MYO5A: variants seen among roughly 807,000 people sequenced by gnomAD.
The protein encoded by MYO5A is unconventional myosin-Va.
In MYO5A, 98 loss-of-function variants were observed where a neutral mutation model predicts 249.7. That is an observed-to-expected ratio of 0.39 (90% confidence interval 0.33 to 0.46). The LOEUF is 0.46. MYO5A is among the 20% of genes least tolerant of loss of function. MYO5A has a pLI of 0.98. For missense variants in MYO5A, 1,696 were observed against 2,308.8 expected, an observed-to-expected ratio of 0.73 and a Z score of 5.44; for synonymous variants, 778 against 810.6, an observed-to-expected ratio of 0.96 and a Z score of 0.68.
intron 1 of MYO5A, among the ~76,000 whole-genome samples, chr15:52,474,934 A>T (rs1365101056): frequency 2.6e-5 from 4 of 151,938 alleles, no homozygotes; most frequent in Admixed American, 1.3e-4. Flanking sequence ...CTCTTTTTCT[A>T]TTGATTGGAA....
chr15:52,470,888 T>C (rs1373762842), intron 1 of MYO5A, among the ~76,000 whole-genome samples: 1 of 151,764 alleles, frequency 6.6e-6, no homozygotes, highest in Admixed American at 6.6e-5. Flanking sequence ...CCGGGCATGG[T>C]GACAGGCGCC....
At position 52,379,666 on chromosome 15, in the gene MYO5A, T is replaced by C; in HGVS notation, c.2167A>G (p.Arg723Gly). ...AACACATTCTTGCATGTTTGCTTTC[T>C]GTCACTCAGCACATCTTTCTGCTTC... ...LMKQKDVLSD[R>G]KQTCKNVLEK... Residue 723 changes from arginine to glycine, a missense_variant, in exon 18 of 42, where the codon AGA becomes GGA. Physicochemically the swap from Arg to Gly is moderately radical, Grantham distance 125. This residue lies in a region of MYO5A where 277 missense variants were observed against 422.4 expected (regional missense o/e 0.66). Transcript: ENST00000399233. 6.2e-7 allele frequency: 1 copy of C among 1,614,242 alleles called. No homozygotes were observed. Among genetic ancestry groups the C allele is most frequent in the East Asian group, 2.2e-5 (1 of 44,896 alleles).
At chr15:52,387,615 T>C in intron 14 of MYO5A, 2 of 512,602 alleles carry the variant, frequency 3.9e-6, no homozygotes, top group Non-Finnish European at 7.0e-6. Context: ...AGGTGCCTCA[T>C]CCATAAAATA....
chr15:52,335,147 C>G (rs1342690378), intron 34 of MYO5A, among the ~76,000 whole-genome samples: 1 of 152,206 alleles, frequency 6.6e-6, no homozygotes, highest in Non-Finnish European at 1.5e-5. Flanking sequence ...AAATGATTAA[C>G]CGTTCACACA....
chr15:52,474,975 T>C (rs897129209), intron 1 of MYO5A, among the ~76,000 whole-genome samples: 5 of 152,210 alleles, frequency 3.3e-5, no homozygotes, highest in African/African-American at 1.2e-4. Context: ...CCAGCTCCTC[T>C]TTGTACCTCT....
chr15:52,343,204 T>C lies in MYO5A; in HGVS notation c.3960-7A>G, dbSNP rs765481087. The C allele has an allele frequency of 1.9e-6, 3 of 1,611,256 alleles. No homozygotes were observed. Among genetic ancestry groups the C allele is most frequent in the Admixed American group, 3.3e-5 (2 of 60,000 alleles). ...GTAATCCAGAGCAGATGATCTTCCA[T>C]GCAAAAGGAACAACAATGCAAAACA... On this transcript the variant is annotated splice_region_variant and splice_polypyrimidine_tract_variant and intron_variant, in intron 30 of 41. Transcript: ENST00000399233.
chr15:52,525,615 T>C (rs901620473), intron 1 of MYO5A, among the ~76,000 whole-genome samples: 1 of 152,248 alleles, frequency 6.6e-6, no homozygotes, highest in Non-Finnish European at 1.5e-5. Flanking sequence ...ATACCATAAT[T>C]ATGGCATATC....
Position 52,372,853 on chromosome 15 carries a change from A to C in MYO5A, c.2578-490T>G, listed in dbSNP as rs193076953. On this transcript the variant is annotated intron_variant, in intron 20 of 41. Coordinates refer to ENST00000399233, the MANE Select transcript of MYO5A (RefSeq NM_001382347.1). ...CCACCCTGACTGCTGATACCACCTC[A>C]CTATGCATTATTAGGCCCGTGCATG... Among the ~76,000 whole-genome samples the C allele has an allele frequency of 1.7e-4, 26 of 152,232 alleles. No individual in the cohort carries two copies. In the East Asian group the frequency reaches 5.0e-3, roughly 29 times the overall value.
At position 52,313,587 on chromosome 15, in the gene MYO5A, G is replaced by C; in HGVS notation, c.*109C>G. On this transcript the variant is annotated 3_prime_UTR_variant, in exon 42 of 42. Coordinates refer to ENST00000399233, the MANE Select transcript of MYO5A (RefSeq NM_001382347.1). ...CCAGTTAATGACTTCTCATTTGGGA[G>C]ATAATCAGTACTTTCTCTTTAAAAA... The C allele has an allele frequency of 7.4e-7, 1 of 1,342,828 alleles. No homozygotes were observed. Among genetic ancestry groups the C allele is most frequent in the East Asian group, 2.3e-5 (1 of 42,768 alleles). 83.2% of individuals were successfully genotyped at this position (1,342,828 alleles called of 1,614,324 possible).
At chr15:52,471,310 A>T (rs553529148) in intron 1 of MYO5A, among the ~76,000 whole-genome samples, 35 of 152,218 alleles carry the variant, frequency 2.3e-4, no homozygotes, top group Middle Eastern at 3.4e-3. Flanking sequence ...TGTGCATTAA[A>T]AATCAGTTCG....
chr15:52,492,575 A>G (rs918337162), intron 1 of MYO5A, among the ~76,000 whole-genome samples: 1 of 152,240 alleles, frequency 6.6e-6, no homozygotes, highest in Non-Finnish European at 1.5e-5. Context: ...TAGGTACAGT[A>G]CACTACTACT....
At chr15:52,464,563 C>A (rs148522820) in intron 1 of MYO5A, among the ~76,000 whole-genome samples, 1 of 152,286 alleles carries the variant, frequency 6.6e-6, no homozygotes, top group East Asian at 1.9e-4. Context: ...CCTGTGAGGG[C>A]AGGGACAACG....
At chr15:52,428,803 T>C (rs1245758463) in intron 2 of MYO5A, among the ~76,000 whole-genome samples, 2 of 152,234 alleles carry the variant, frequency 1.3e-5, no homozygotes, top group African/African-American at 2.4e-5. Context: ...TTGAAAGCCA[T>C]AGCCTAGACC....
chr15:52,331,659 C>T (rs1482379964), intron 34 of MYO5A: 2 of 985,172 alleles, frequency 2.0e-6, no homozygotes, highest in East Asian at 1.1e-4. Context: ...TCTGAGAAGC[C>T]AGTCCCACAG....
chr15:52,317,102 T>G lies in MYO5A; in HGVS notation c.5355A>C (p.Thr1785=). 2 of 1,614,192 alleles carry G rather than the reference T, an allele frequency of 1.2e-6. No homozygotes were observed. The highest frequency in any genetic ancestry group is 1.7e-6 in the Non-Finnish European group (2 of 1,180,028). ...AAQLLQVKKK[T]DDDAEAICSM... ...AACAAATGGCTTCTGCATCATCATCTGTTTTCTTTTTCACTTGCAAAAGTT... is the reference window on the plus strand; with the variant it reads ...AACAAATGGCTTCTGCATCATCATCGGTTTTCTTTTTCACTTGCAAAAGTT... Residue 1785 remains threonine (T), a synonymous_variant, in exon 40 of 42, where the codon ACA becomes ACC. Coordinates refer to ENST00000399233, the MANE Select transcript of MYO5A (RefSeq NM_001382347.1).
At chr15:52,366,873 C>T (rs544217432) in intron 23 of MYO5A, among the ~76,000 whole-genome samples, 158 bp downstream of exon 23, 5 of 152,332 alleles carry the variant, frequency 3.3e-5, no homozygotes, top group African/African-American at 4.8e-5. Flanking sequence ...AATATCTGAT[C>T]TGTTGCCTCT....
chr15:52,330,497 C>T lies in MYO5A; in HGVS notation c.4411G>A (p.Gly1471Ser). Residue 1471 changes from glycine (G) to serine (S), a missense_variant and splice_region_variant, in exon 35 of 42, where the codon GGC becomes AGC. Physicochemically the swap from Gly to Ser is moderately conservative, Grantham distance 56. This residue lies in a region of MYO5A where 625 missense variants were observed against 908.1 expected (regional missense o/e 0.69). Transcript: ENST00000399233. ...FAKKIGELEV[G>S]QMENISPGQI... ...CCTGGGGATATGTTCTCCATCTGGC[C>T]CACTTTATGAGAAGTAAGAAAGGAG... The T allele has an allele frequency of 6.2e-7, 1 of 1,613,866 alleles. No individual in the cohort carries two copies. Among genetic ancestry groups the T allele is most frequent in the South Asian group, 1.1e-5 (1 of 91,070 alleles).
At position 52,410,429 on chromosome 15, in the gene MYO5A, A is replaced by C; in HGVS notation, c.660T>G (p.Phe220Leu). The change falls in exon 6 of 42, where the codon TTT (phenylalanine) becomes TTG (leucine). Residue 220 changes from phenylalanine to leucine, a missense_variant. Transcript: ENST00000399233. ...CAAAACCAATCTCAATATACTTCCCAAAACGGCTGCTATTATCATTCCTGG... is the reference window on the plus strand; with the variant it reads ...CAAAACCAATCTCAATATACTTCCCCAAACGGCTGCTATTATCATTCCTGG... The part of the protein sequence containing the change: ...KTTRNDNSSR[F>L]GKYIEIGFDK... 1.2e-6 allele frequency: 2 copies of C among 1,613,672 alleles called. No individual in the cohort carries two copies. The highest frequency in any genetic ancestry group is 1.1e-5 in the South Asian group (1 of 91,060).
At chr15:52,498,633 T>C (rs2141571530) in intron 1 of MYO5A, among the ~76,000 whole-genome samples, 1 of 152,358 alleles carries the variant, frequency 6.6e-6, no homozygotes, top group South Asian at 2.1e-4. Flanking sequence ...TATTCTTCTA[T>C]TAAGGTGTTA....
Sources: allele counts gnomAD v4.1 joint callset (sites outside exome capture counted in the v4.1 genomes callset), GRCh38; gene constraint gnomAD v4.1.1; regional missense constraint gnomAD v4.1.1; transcripts MANE v1.5; gene names NCBI Gene and HGNC (gene_info 2026-07-23, HGNC 2026-07-21).